The following GABRG3 variants were observed in gnomAD, a reference collection of about 807,000 sequenced individuals.
GABRG3 encodes gamma-aminobutyric acid type A receptor subunit gamma3, also known as gamma-aminobutyric acid receptor subunit gamma-3.
GABRG3 carries 25 observed loss-of-function variants against 48.8 expected under a neutral mutation model. That is an observed-to-expected ratio of 0.51 (90% confidence interval 0.37 to 0.72). GABRG3 has a LOEUF of 0.72. Ranked by LOEUF, GABRG3 falls within the 30% of genes least tolerant of loss-of-function variation. The pLI, the probability that GABRG3 is intolerant of heterozygous loss-of-function variation, is 0.00. For synonymous variants in GABRG3, 227 were observed against 217.6 expected (o/e 1.04, Z -0.38); for missense variants, 394 against 577.9 (o/e 0.68, Z 3.26).
At chr15:27,172,487 G>A (rs1185492069) in intron 3 of GABRG3, among the ~76,000 whole-genome samples, 1 of 151,976 alleles carries the variant, frequency 6.6e-6, no homozygotes, top group African/African-American at 2.4e-5. Flanking sequence ...TTTGTGAATG[G>A]GATTGTTTAT....
intron 5 of GABRG3, among the ~76,000 whole-genome samples, chr15:27,436,246 A>G (rs1049365882): frequency 3.9e-5 from 6 of 152,198 alleles, no homozygotes; most frequent in African/African-American, 9.7e-5. Context: ...GAGAAAGGAA[A>G]CAAGCTCTTT....
chr15:27,281,435 A>G (rs1891429672), intron 3 of GABRG3, among the ~76,000 whole-genome samples: 1 of 150,540 alleles, frequency 6.6e-6, no homozygotes, highest in Admixed American at 6.6e-5. Flanking sequence ...AAAGGATAGC[A>G]TCTCTCTGTT....
intron 3 of GABRG3, among the ~76,000 whole-genome samples, chr15:27,111,722 G>A (rs1330614895): frequency 6.6e-6 from 1 of 152,132 alleles, no homozygotes. Flanking sequence ...TATAGGGGCT[G>A]TATATGGGGT....
chr15:27,381,647 T>G (rs1256354178), intron 5 of GABRG3, among the ~76,000 whole-genome samples: 2 of 152,238 alleles, frequency 1.3e-5, no homozygotes, highest in African/African-American at 4.8e-5. Flanking sequence ...TGACCTGAAT[T>G]CTTTGATGGA....
chr15:27,167,569 T>A (rs1000709313), intron 3 of GABRG3, among the ~76,000 whole-genome samples: 1 of 151,984 alleles, frequency 6.6e-6, no homozygotes, highest in Non-Finnish European at 1.5e-5. Context: ...ATAACATAAA[T>A]CCCTCCACAT....
intron 3 of GABRG3, among the ~76,000 whole-genome samples, chr15:27,157,290 G>A (rs1343904698): frequency 6.6e-6 from 1 of 152,160 alleles, no homozygotes; most frequent in Non-Finnish European, 1.5e-5. Context: ...TAGGGCACTG[G>A]AGTTTTATTC....
intron 3 of GABRG3, among the ~76,000 whole-genome samples, chr15:27,293,265 G>A (rs562915019): frequency 3.9e-5 from 6 of 152,132 alleles, no homozygotes; most frequent in Admixed American, 2.6e-4. Context: ...AATTAATGGA[G>A]GGAATCTGAA....
At chr15:26,997,178 A>G (rs1895358041) in intron 2 of GABRG3, among the ~76,000 whole-genome samples, 1 of 151,872 alleles carries the variant, frequency 6.6e-6, no homozygotes, top group South Asian at 2.1e-4. Context: ...TCCTCATATT[A>G]TTTCTATCTC....
Position 27,001,888 on chromosome 15 carries a change from G to GTTTTTTTT in GABRG3, c.202+24746_202+24753dup, listed in dbSNP as rs60516105. On this transcript the variant is annotated intron_variant, in intron 2 of 9. Coordinates refer to ENST00000615808, the MANE Select transcript of GABRG3 (RefSeq NM_033223.5). ...CTTGAAGAGAGGTTCCCATAACTCA[G>GTTTTTTTT]TTTTTTTTTTTTTTTAAGATATGGT... 1.1e-3 allele frequency among the ~76,000 whole-genome samples: 128 copies of GTTTTTTTT among 121,206 alleles called. 1 individual carries two copies. In the East Asian group the frequency reaches 0.026, roughly 25 times the overall value. The allele number at this position is 121,206 out of a possible 152,430, so 79.5% of individuals were successfully genotyped here.
intron 5 of GABRG3, among the ~76,000 whole-genome samples, chr15:27,353,428 AT>A (rs1470463999): frequency 1.4e-5 from 2 of 146,788 alleles, no homozygotes; most frequent in African/African-American, 5.3e-5. Context: ...CTTTCTTTCT[AT>A]TTATTTATTT....
intron 5 of GABRG3, among the ~76,000 whole-genome samples, chr15:27,432,273 G>A (rs969542569): frequency 9.2e-5 from 14 of 152,078 alleles, no homozygotes; most frequent in Admixed American, 7.2e-4. Context: ...CTACCTTCGT[G>A]CTATTAATTA....
At chr15:27,048,171 G>A (rs1896396391) in intron 3 of GABRG3, among the ~76,000 whole-genome samples, 2 of 152,138 alleles carry the variant, frequency 1.3e-5, no homozygotes, top group Admixed American at 1.3e-4. Context: ...CCAGAGGACT[G>A]CACCCCACTG....
chr15:27,201,497 G>A (rs1888682802), intron 3 of GABRG3, among the ~76,000 whole-genome samples: 1 of 151,844 alleles, frequency 6.6e-6, no homozygotes, highest in African/African-American at 2.4e-5. Context: ...GGAAATAGGG[G>A]AGGGAAAGTG....
intron 3 of GABRG3, among the ~76,000 whole-genome samples, chr15:27,119,315 A>G (rs1897693313): frequency 6.6e-6 from 1 of 152,216 alleles, no homozygotes; most frequent in Non-Finnish European, 1.5e-5. Context: ...TAAATCTTAT[A>G]CTAAATACAT....
chr15:27,268,499 A>AT (rs35439829), intron 3 of GABRG3, among the ~76,000 whole-genome samples: 89,726 of 151,504 alleles, frequency 0.59, 27,155 homozygotes, highest in Non-Finnish European at 0.65. Flanking sequence ...GATTTTCTCA[A>AT]TTTTTTTATT....
At chr15:27,285,562 AAAAT>A (rs1400859727) in intron 3 of GABRG3, among the ~76,000 whole-genome samples, 3 of 152,224 alleles carry the variant, frequency 2.0e-5, no homozygotes, top group Admixed American at 1.3e-4. Context: ...AACAAATAGA[AAAAT>A]AAATATAGTA....
intron 4 of GABRG3, among the ~76,000 whole-genome samples, chr15:27,327,409 C>T (rs1293417652): frequency 6.6e-6 from 1 of 152,168 alleles, no homozygotes; most frequent in Non-Finnish European, 1.5e-5. Context: ...CCTTTCCCAG[C>T]ACATCCCTAA....
At chr15:27,096,719 T>G (rs1897270239) in intron 3 of GABRG3, among the ~76,000 whole-genome samples, 2 of 152,228 alleles carry the variant, frequency 1.3e-5, no homozygotes, top group Admixed American at 1.3e-4. Context: ...GGGACCAGTT[T>G]TGGATCCTGT....
At chr15:27,087,750 C>A (rs1042548241) in intron 3 of GABRG3, among the ~76,000 whole-genome samples, 1 of 151,242 alleles carries the variant, frequency 6.6e-6, no homozygotes, top group Non-Finnish European at 1.5e-5. Flanking sequence ...GTCTGGTGTG[C>A]TGTAGTGTGT....
Sources: allele counts gnomAD v4.1 joint callset (sites outside exome capture counted in the v4.1 genomes callset), GRCh38; gene constraint gnomAD v4.1.1; transcripts MANE v1.5; gene names NCBI Gene and HGNC (gene_info 2026-07-23, HGNC 2026-07-21).